Variants in CSMD1 observed in about 807,000 individuals in gnomAD.
CSMD1 encodes the protein CUB and sushi domain-containing protein 1.
CSMD1 carries 213 observed loss-of-function variants against 417.5 expected under a neutral mutation model. The observed-to-expected ratio is 0.51, with a 90% CI of 0.46 to 0.57. CSMD1 has a LOEUF of 0.57. Ranked by LOEUF, CSMD1 falls within the 20% of genes least tolerant of loss-of-function variation. CSMD1 has a pLI of 0.00. For missense variants in CSMD1, 6,923 were observed against 4,529.7 expected, an observed-to-expected ratio of 1.53 and a Z score of -15.17; for synonymous variants, 2,862 against 1,736.8, an observed-to-expected ratio of 1.65 and a Z score of -16.11.
chr8:4,914,065 C>T (rs1805880662), intron 1 of CSMD1, among the ~76,000 whole-genome samples: 1 of 152,090 alleles, frequency 6.6e-6, no homozygotes, highest in Non-Finnish European at 1.5e-5. Flanking sequence ...TAGTACGATA[C>T]CTAAATTACT....
In CSMD1 at chr8:4,529,241, T is replaced by C. The variant is rs375422990; in HGVS notation, c.302+108101A>G. ...ATTGAGAAGTCACTTGTCCCTTTCTTATTCTGTTCGGAGTGGACAATGTGG... is the reference window on the plus strand; with the variant it reads ...ATTGAGAAGTCACTTGTCCCTTTCTCATTCTGTTCGGAGTGGACAATGTGG... On this transcript the variant is annotated intron_variant, in intron 2 of 69. Transcript: ENST00000635120. Among the ~76,000 whole-genome samples, 5 of 152,304 alleles carry C rather than the reference T, an allele frequency of 3.3e-5. No homozygotes were observed. The East Asian group carries it at 9.7e-4, about 29-fold the overall frequency.
intron 6 of CSMD1, among the ~76,000 whole-genome samples, chr8:3,711,545 G>T (rs897098382): frequency 6.6e-6 from 1 of 152,164 alleles, no homozygotes; most frequent in Non-Finnish European, 1.5e-5. Context: ...ACGGCACCTG[G>T]CGTCTTCCTC....
chr8:3,817,218 A>C (rs1416921529), intron 5 of CSMD1, among the ~76,000 whole-genome samples: 2 of 136,202 alleles, frequency 1.5e-5, no homozygotes, highest in Non-Finnish European at 3.1e-5. Context: ...TCTGGAAAGG[A>C]TCTCCAAATC....
At chr8:3,512,059 G>A (rs981381083) in intron 10 of CSMD1, among the ~76,000 whole-genome samples, 2 of 152,046 alleles carry the variant, frequency 1.3e-5, no homozygotes, top group African/African-American at 2.4e-5. Flanking sequence ...TCCACTATGT[G>A]GCCCTAGAGA....
rs182989445 is a variant in CSMD1 at position 3,271,403 on chromosome 8, C to G, written c.4153+12741G>C. ...ACAATAAACATACGTGTACATGTGTCTTTATAGCAGCATGATTTATATTCC... is the reference window on the plus strand; with the variant it reads ...ACAATAAACATACGTGTACATGTGTGTTTATAGCAGCATGATTTATATTCC... On this transcript the variant is annotated intron_variant, in intron 26 of 69. Transcript: ENST00000635120. Among the ~76,000 whole-genome samples the G allele has an allele frequency of 2.8e-3, 433 of 151,970 alleles. 3 individuals are homozygous for G. The highest frequency in any genetic ancestry group is 9.9e-3 in the African/African-American group (411 of 41,406).
intron 5 of CSMD1, among the ~76,000 whole-genome samples, chr8:3,779,227 A>G (rs1481713): frequency 0.28 from 42,158 of 151,330 alleles, 6,437 homozygotes; most frequent in East Asian, 0.46. Flanking sequence ...AACTCACTGT[A>G]TGCCTTCTAG....
intron 5 of CSMD1, among the ~76,000 whole-genome samples, chr8:3,783,490 T>C (rs867949851): frequency 1.3e-4 from 20 of 152,180 alleles, no homozygotes; most frequent in African/African-American, 4.8e-4. Flanking sequence ...GGCCCTGCAG[T>C]GCTGAGGAGG....
At chr8:3,110,379 TTAG>T in intron 42 of CSMD1, 44 bp from the exon 43 acceptor site, 1 of 1,506,246 alleles carries the variant, frequency 6.6e-7, no homozygotes, top group Non-Finnish European at 8.9e-7. Context: ...ACAGCTGATT[TTAG>T]AGAGTAGAAA....
At chr8:3,064,461 G>A (rs748134147) in intron 49 of CSMD1, among the ~76,000 whole-genome samples, 24 of 152,146 alleles carry the variant, frequency 1.6e-4, no homozygotes, top group Non-Finnish European at 3.4e-4. Flanking sequence ...AGGCCTCCCA[G>A]CCACGTTTCC....
intron 1 of CSMD1, among the ~76,000 whole-genome samples, chr8:4,954,073 A>G (rs13248218): frequency 0.26 from 39,806 of 152,062 alleles, 6,408 homozygotes; most frequent in East Asian, 0.41. Context: ...ATTCATAAAC[A>G]TTTCTTCCAT....
chr8:3,544,383 T>C (rs751176267), intron 10 of CSMD1, among the ~76,000 whole-genome samples: 25 of 152,312 alleles, frequency 1.6e-4, no homozygotes, highest in Admixed American at 1.0e-3. Flanking sequence ...TCCCCTGATC[T>C]TTTTTCATCC....
At chr8:3,384,223 G>A (rs1420983766) in intron 18 of CSMD1, among the ~76,000 whole-genome samples, 1 of 152,042 alleles carries the variant, frequency 6.6e-6, no homozygotes. Flanking sequence ...GGTTGTCTGA[G>A]AGATAGTCTA....
At chr8:3,494,811 T>C (rs1319346656) in intron 10 of CSMD1, among the ~76,000 whole-genome samples, 1 of 152,150 alleles carries the variant, frequency 6.6e-6, no homozygotes, top group Non-Finnish European at 1.5e-5. Flanking sequence ...TTTAATAAAC[T>C]GTGTTTTAGA....
chr8:3,403,674 T>G (rs1563351984), intron 15 of CSMD1, among the ~76,000 whole-genome samples: 1 of 152,178 alleles, frequency 6.6e-6, no homozygotes, highest in African/African-American at 2.4e-5. Flanking sequence ...GATGAGAGTG[T>G]AGTGTTCACT....
At chr8:3,470,659 T>C (rs912614797) in intron 11 of CSMD1, among the ~76,000 whole-genome samples, 1 of 152,112 alleles carries the variant, frequency 6.6e-6, no homozygotes, top group Non-Finnish European at 1.5e-5. Context: ...TCCCTTAAAA[T>C]CACACTCATG....
intron 26 of CSMD1, among the ~76,000 whole-genome samples, chr8:3,267,819 C>T (rs571202957): frequency 2.0e-5 from 3 of 152,236 alleles, no homozygotes; most frequent in South Asian, 2.1e-4. Flanking sequence ...GCTGATGTCA[C>T]CCAGCTGGGC....
At chr8:4,924,605 C>G (rs1361531157) in intron 1 of CSMD1, among the ~76,000 whole-genome samples, 1 of 151,248 alleles carries the variant, frequency 6.6e-6, no homozygotes, top group African/African-American at 2.4e-5. Context: ...GCCTGTAATC[C>G]CAGCTACTCA....
chr8:3,751,874 G>C (rs559213226), intron 6 of CSMD1, among the ~76,000 whole-genome samples: 1 of 152,170 alleles, frequency 6.6e-6, no homozygotes, highest in Non-Finnish European at 1.5e-5. Flanking sequence ...TCTAGGAAAA[G>C]ATCAATTTAC....
chr8:3,818,446 G>A (rs148118234), intron 5 of CSMD1, among the ~76,000 whole-genome samples: 4 of 152,218 alleles, frequency 2.6e-5, no homozygotes, highest in East Asian at 1.9e-4. Context: ...ACTCCTCATG[G>A]ATCAGCTATC....
Sources: gnomAD v4.1 joint callset for allele counts (sites outside exome capture counted in the v4.1 genomes callset) on GRCh38, gnomAD v4.1.1 for gene constraint, MANE v1.5 for transcripts, NCBI Gene and HGNC (gene_info 2026-07-23, HGNC 2026-07-21) for gene names.